The following AFDN variants were observed in gnomAD, a reference collection of about 807,000 sequenced individuals.
AFDN encodes afadin, adherens junction formation factor, also known as afadin.
Under a neutral mutation model 216.6 loss-of-function variants are expected in AFDN, and 68 were observed. The ratio of observed to expected loss-of-function variants is 0.31; its 90% CI spans 0.26 to 0.38. The LOEUF (loss-of-function observed/expected upper bound fraction) is 0.38. Among genes scored for constraint, AFDN ranks in the 10% least tolerant of loss-of-function variants. AFDN has a pLI of 1.00. For synonymous variants in AFDN, 868 were observed against 853.7 expected, an observed-to-expected ratio of 1.02 and a Z score of -0.29; for missense variants, 2,136 against 2,342.0, an observed-to-expected ratio of 0.91 and a Z score of 1.82.
intron 1 of AFDN, chr6:167,827,580 GGCGCGGGGGGCGCGGCGGC>G (rs1234897749): frequency 6.9e-6 from 1 of 145,156 alleles, no homozygotes; most frequent in African/African-American, 2.5e-5. Flanking sequence ...CATCCCCGGC[GGCGCGGGGGGCGCGGCGGC>G]GCGCGGGGCC....
chr6:167,877,734 T>C (rs1385395229), intron 5 of AFDN, among the ~76,000 whole-genome samples: 2 of 152,228 alleles, frequency 1.3e-5, no homozygotes, highest in Non-Finnish European at 2.9e-5. Flanking sequence ...ATCAGGTTAA[T>C]TCTTTAGTGT....
intron 22 of AFDN, 121 bp from the exon 23 acceptor site, chr6:167,924,884 C>T (rs1315315897): frequency 1.3e-6 from 1 of 785,636 alleles, no homozygotes; most frequent in East Asian, 2.5e-5. Flanking sequence ...TGTTTATCTT[C>T]TCATCCTTTT....
Position 167,907,023 on chromosome 6 carries a change from TC to T in AFDN, c.1651-144del. ...TTGGGCACTCCCCGTGGACATAGTG[TC>T]CCCAGCATTGCTTTGTTATTTCCTG... On this transcript the variant is annotated intron_variant, in intron 12 of 33. Transcript: ENST00000683244. 5.0e-6 allele frequency: 3 copies of T among 603,798 alleles called. No homozygotes were observed. In the South Asian group the frequency reaches 6.9e-5, roughly 14 times the overall value. The allele number at this position is 603,798 out of a possible 1,614,324, so 37.4% of individuals were successfully genotyped here.
At chr6:167,926,149 T>G (rs555915906) in intron 23 of AFDN, among the ~76,000 whole-genome samples, 17 of 152,378 alleles carry the variant, frequency 1.1e-4, no homozygotes, top group South Asian at 1.0e-3. Flanking sequence ...TGGACTGTCA[T>G]TTGAAACCTT....
rs775036370 is a variant in AFDN, at chr6:167,911,493, C to T, written c.2037+4C>T. 2.1e-4 allele frequency: 340 copies of T among 1,613,644 alleles called. No individual in the cohort carries two copies. The highest frequency in any genetic ancestry group is 2.7e-4 in the Non-Finnish European group (324 of 1,179,768). ...CATGATGGAGGGTGTCATCCAGGTA[C>T]GTTCCAGCCGGCCAGCCATGCTCCT... On this transcript the variant is annotated splice_donor_region_variant and intron_variant, in intron 15 of 33. Coordinates refer to ENST00000683244, the MANE Select transcript of AFDN (RefSeq NM_001386888.1).
At chr6:167,874,610 A>ATTTT (rs34069250) in intron 4 of AFDN, among the ~76,000 whole-genome samples, 7 of 113,262 alleles carry the variant, frequency 6.2e-5, no homozygotes, top group African/African-American at 9.8e-5. Flanking sequence ...ATTTGCTATA[A>ATTTT]TTTTTTTTTT....
chr6:167,923,726 C>T (rs1413952148), intron 22 of AFDN, among the ~76,000 whole-genome samples: 9 of 148,520 alleles, frequency 6.1e-5, no homozygotes, highest in East Asian at 4.1e-4. Flanking sequence ...TGGGTTCAAG[C>T]GATTCTCCTG....
chr6:167,845,939 C>T (rs1781625650), intron 1 of AFDN, among the ~76,000 whole-genome samples: 2 of 152,090 alleles, frequency 1.3e-5, no homozygotes, highest in Admixed American at 6.6e-5. Context: ...ACCTTCTTCA[C>T]AAGGTGGCAG....
chr6:167,888,357 A>G (rs1357754893), intron 6 of AFDN, among the ~76,000 whole-genome samples: 1 of 152,242 alleles, frequency 6.6e-6, no homozygotes, highest in African/African-American at 2.4e-5. Context: ...GTCTATTAAG[A>G]TAACATCATT....
At chr6:167,928,580 C>T (rs1792866220) in intron 23 of AFDN, among the ~76,000 whole-genome samples, 1 of 152,168 alleles carries the variant, frequency 6.6e-6, no homozygotes, top group Non-Finnish European at 1.5e-5. Flanking sequence ...CAAAAGGTGT[C>T]AGGAAAAGTG....
At chr6:167,939,760 A>T (rs913152178) in intron 23 of AFDN, among the ~76,000 whole-genome samples, 2 of 152,216 alleles carry the variant, frequency 1.3e-5, no homozygotes, top group African/African-American at 4.8e-5. Context: ...GGATTACCTG[A>T]TTTAACAAAT....
chr6:167,941,685 ATG>A (rs1417997992), intron 23 of AFDN, among the ~76,000 whole-genome samples: 1 of 42,110 alleles, frequency 2.4e-5, no homozygotes, highest in Non-Finnish European at 4.1e-5. Context: ...CACAGGAGAG[ATG>A]TGTGGACAGA....
chr6:167,893,792 C>A, intron 8 of AFDN, 70 bp from the exon 9 acceptor site: 2 of 1,185,108 alleles, frequency 1.7e-6, no homozygotes, highest in Non-Finnish European at 2.5e-6. Context: ...CCCTATTCCG[C>A]GTGTTCTGCA....
At chr6:167,855,916 T>C (rs907332915) in intron 1 of AFDN, among the ~76,000 whole-genome samples, 1 of 152,152 alleles carries the variant, frequency 6.6e-6, no homozygotes, top group African/African-American at 2.4e-5. Context: ...TGGTTCACTT[T>C]CTGAGGTTAC....
intron 23 of AFDN, among the ~76,000 whole-genome samples, chr6:167,937,318 C>G (rs1794134316): frequency 6.6e-6 from 1 of 152,218 alleles, no homozygotes; most frequent in Non-Finnish European, 1.5e-5. Context: ...ATTGTCTTGA[C>G]TTTTGATCAA....
chr6:167,962,326 G>T lies in AFDN; in HGVS notation c.4834-107G>T. 1 of 1,211,124 alleles carries T rather than the reference G, an allele frequency of 8.3e-7. No individual in the cohort carries two copies. Among genetic ancestry groups the T allele is most frequent in the Non-Finnish European group, 1.1e-6 (1 of 899,034 alleles). The allele number at this position is 1,211,124 out of a possible 1,614,324, so 75.0% of individuals were successfully genotyped here. On this transcript the variant is annotated intron_variant, in intron 30 of 33. Transcript: ENST00000683244. This position sits in a 1 kb window ranked among gnomAD's most constrained non-coding sequence, Gnocchi z 5.2. ...CCTGGTATTTTATATTTAACTTTCT[G>T]TGTGTGTGTGTTTGTGTATATGTGT...
chr6:167,962,493 G>A lies in AFDN; in HGVS notation c.4894G>A (p.Glu1632Lys). ...QLEEMRKREA[E>K]DRARQEEERR... is the part of the protein sequence containing the mutation. Reference sequence around the variant, plus strand: ...AGAAGAGATGCGCAAGCGGGAAGCGGAAGACCGAGCGAGGCAAGAGGAAGA... The same window carrying A: ...AGAAGAGATGCGCAAGCGGGAAGCGAAAGACCGAGCGAGGCAAGAGGAAGA... The change falls in exon 31 of 34, where the codon GAA becomes AAA. Residue 1632 changes from glutamate to lysine, a missense_variant. By Grantham distance (56) the Glu-to-Lys change is moderately conservative (BLOSUM62 1). Around this residue, in one of 8 missense-constraint regions of AFDN, gnomAD observed 981 missense variants for 966.0 expected, o/e 1.02. Coordinates refer to ENST00000683244, the MANE Select transcript of AFDN (RefSeq NM_001386888.1). The surrounding 1 kb of genome is among the most constrained non-coding windows in gnomAD (Gnocchi z 5.2). 1 of 1,613,822 alleles carries A rather than the reference G, an allele frequency of 6.2e-7. No homozygotes were observed. The highest frequency in any genetic ancestry group is 1.1e-5 in the South Asian group (1 of 91,068).
chr6:167,924,528 G>A (rs536125292), intron 22 of AFDN, among the ~76,000 whole-genome samples: 1 of 152,204 alleles, frequency 6.6e-6, no homozygotes, highest in East Asian at 1.9e-4. Context: ...ATGACTGCTG[G>A]GTTTTCGCAA....
intron 1 of AFDN, among the ~76,000 whole-genome samples, chr6:167,852,318 C>G (rs1782411501): frequency 6.6e-6 from 1 of 152,166 alleles, no homozygotes; most frequent in Non-Finnish European, 1.5e-5. Flanking sequence ...GCGTTTATTT[C>G]ATGCCATACA....
Sources: allele counts gnomAD v4.1 joint callset (sites outside exome capture counted in the v4.1 genomes callset), GRCh38; gene constraint gnomAD v4.1.1; regional missense constraint gnomAD v4.1.1; non-coding constraint Gnocchi (gnomAD v3.1); transcripts MANE v1.5; gene names NCBI Gene and HGNC (gene_info 2026-07-23, HGNC 2026-07-21).